The following NT5DC1 variants were observed in gnomAD, a reference collection of about 807,000 sequenced individuals.
NT5DC1 encodes 5'-nucleotidase domain containing 1.
Under a neutral mutation model 59.4 loss-of-function variants are expected in NT5DC1, and 42 were observed. That is an observed-to-expected ratio of 0.71 (90% CI 0.55 to 0.92). The LOEUF (loss-of-function observed/expected upper bound fraction) is 0.92, where lower values mean the gene tolerates loss of function less well. Among genes scored for constraint, NT5DC1 ranks in the 40% least tolerant of loss-of-function variants. NT5DC1 has a pLI of 0.00. For synonymous variants in NT5DC1, 172 were observed against 188.1 expected (o/e 0.91, Z 0.70); for missense variants, 501 against 537.1 (o/e 0.93, Z 0.66).
chr6:116,178,093 G>A (rs1285178680), intron 6 of NT5DC1, among the ~76,000 whole-genome samples: 39 of 65,592 alleles, frequency 5.9e-4, no homozygotes, highest in African/African-American at 2.1e-3. Context: ...GTGTGTGCGC[G>A]CGCGCGCGCG....
chr6:116,217,726 GTATTCA>G (rs1781714122), intron 6 of NT5DC1, among the ~76,000 whole-genome samples: 1 of 151,902 alleles, frequency 6.6e-6, no homozygotes, highest in Non-Finnish European at 1.5e-5. Flanking sequence ...ACTAATTTAG[GTATTCA>G]TATGTTGAAT....
chr6:116,221,263 T>C (rs761542218), intron 7 of NT5DC1, 35 bp downstream of exon 7: 2 of 1,291,602 alleles, frequency 1.5e-6, no homozygotes, highest in Admixed American at 1.9e-5. Context: ...CATTGTCTTA[T>C]GAAATACAGA....
rs545089405 is a variant in NT5DC1, at chr6:116,249,215, C to G, written c.*5191C>G. On this transcript the variant is annotated 3_prime_UTR_variant, in exon 12 of 12. Coordinates refer to ENST00000319550, the MANE Select transcript of NT5DC1 (RefSeq NM_152729.3). Reference sequence around the variant, plus strand: ...GTTCTCTAGCCCTAGAAAAAAATACCTCAGCAAGAAATTGCAAGTAATAAT... The same window carrying G: ...GTTCTCTAGCCCTAGAAAAAAATACGTCAGCAAGAAATTGCAAGTAATAAT... 6.6e-6 allele frequency: 1 copy of G among 152,272 alleles called. No homozygotes were observed. Among genetic ancestry groups the G allele is most frequent in the Non-Finnish European group, 1.5e-5 (1 of 68,022 alleles). 9.4% of individuals were successfully genotyped at this position (152,272 alleles called of 1,614,324 possible).
chr6:116,208,871 A>G (rs760940770), intron 6 of NT5DC1, among the ~76,000 whole-genome samples: 3 of 152,026 alleles, frequency 2.0e-5, no homozygotes, highest in Non-Finnish European at 4.4e-5. Context: ...CATCTGGCTC[A>G]TAGAATATAC....
chr6:116,193,775 AAAAAG>A, intron 6 of NT5DC1, among the ~76,000 whole-genome samples: 1 of 151,938 alleles, frequency 6.6e-6, no homozygotes, highest in Admixed American at 6.6e-5. Flanking sequence ...TTAAAAATAA[AAAAAG>A]AGGAGTTGGG....
chr6:116,177,949 A>G (rs79851262), intron 6 of NT5DC1, among the ~76,000 whole-genome samples: 3,682 of 152,182 alleles, frequency 0.024, 138 homozygotes, highest in African/African-American at 0.083. Flanking sequence ...GATTAGTTTC[A>G]TAGTATAAAA....
intron 6 of NT5DC1, chr6:116,121,222 A>G: frequency 6.2e-7 from 1 of 1,613,248 alleles, no homozygotes; most frequent in Non-Finnish European, 8.5e-7. Flanking sequence ...CTGGTTTCCC[A>G]AAGCCAGGAG....
chr6:116,103,454 C>T (rs1326465092), intron 1 of NT5DC1, among the ~76,000 whole-genome samples: 1 of 152,042 alleles, frequency 6.6e-6, no homozygotes, highest in Non-Finnish European at 1.5e-5. Context: ...TCCCACCTTG[C>T]TGTCTGTATG....
chr6:116,164,965 TG>T (rs1211990621), intron 6 of NT5DC1, among the ~76,000 whole-genome samples: 1 of 151,772 alleles, frequency 6.6e-6, no homozygotes, highest in Non-Finnish European at 1.5e-5. Context: ...GACATGGTGG[TG>T]GGTGCCTGTG....
chr6:116,171,456 G>A (rs1051034258), intron 6 of NT5DC1, among the ~76,000 whole-genome samples: 1 of 152,062 alleles, frequency 6.6e-6, no homozygotes, highest in Admixed American at 6.6e-5. Context: ...TGTTAGTGGT[G>A]GTAAAGATGA....
At chr6:116,174,120 G>T (rs1377825570) in intron 6 of NT5DC1, among the ~76,000 whole-genome samples, 1 of 152,106 alleles carries the variant, frequency 6.6e-6, no homozygotes, top group Non-Finnish European at 1.5e-5. Context: ...CATATGAGGG[G>T]TACATGCTGT....
intron 6 of NT5DC1, among the ~76,000 whole-genome samples, chr6:116,178,888 T>G (rs1285010811): frequency 6.6e-6 from 1 of 152,214 alleles, no homozygotes; most frequent in Non-Finnish European, 1.5e-5. Flanking sequence ...AAGCAAAATT[T>G]CTTTTACTCG....
intron 6 of NT5DC1, among the ~76,000 whole-genome samples, chr6:116,178,104 T>TGCGCGC (rs796825649): frequency 9.9e-6 from 1 of 101,032 alleles, no homozygotes; most frequent in African/African-American, 4.5e-5. Flanking sequence ...CGCGCGCGCG[T>TGCGCGC]GCGTGCGTGT....
chr6:116,148,223 G>C (rs1582834837), intron 6 of NT5DC1, among the ~76,000 whole-genome samples: 1 of 152,140 alleles, frequency 6.6e-6, no homozygotes, highest in Non-Finnish European at 1.5e-5. Context: ...TTGGGGACAG[G>C]GGTGGGAGGG....
chr6:116,200,367 A>C (rs1781323218), intron 6 of NT5DC1, among the ~76,000 whole-genome samples: 1 of 152,066 alleles, frequency 6.6e-6, no homozygotes, highest in African/African-American at 2.4e-5. Context: ...CATTAGGTAA[A>C]AATTAAGGAA....
intron 6 of NT5DC1, among the ~76,000 whole-genome samples, chr6:116,175,564 T>C (rs1010199590): frequency 1.3e-5 from 2 of 152,194 alleles, no homozygotes; most frequent in African/African-American, 4.8e-5. Context: ...GTTGGACCAT[T>C]TGATAATGTC....
At chr6:116,192,447 A>G (rs1781140978) in intron 6 of NT5DC1, among the ~76,000 whole-genome samples, 1 of 152,034 alleles carries the variant, frequency 6.6e-6, no homozygotes, top group African/African-American at 2.4e-5. Context: ...GAAAATTAGT[A>G]CTAGGGTTTA....
chr6:116,209,540 C>T (rs1781529934), intron 6 of NT5DC1, among the ~76,000 whole-genome samples: 1 of 151,900 alleles, frequency 6.6e-6, no homozygotes, highest in Non-Finnish European at 1.5e-5. Flanking sequence ...TGATGAATGC[C>T]ATCATTGATG....
intron 6 of NT5DC1, chr6:116,125,403 G>C: frequency 2.5e-6 from 4 of 1,613,818 alleles, no homozygotes; most frequent in Non-Finnish European, 3.4e-6. Context: ...GGCCTTTTAT[G>C]CCTGTGGGCA....
Sources: allele counts gnomAD v4.1 joint callset (sites outside exome capture counted in the v4.1 genomes callset), GRCh38; gene constraint gnomAD v4.1.1; transcripts MANE v1.5; gene names NCBI Gene and HGNC (gene_info 2026-07-23, HGNC 2026-07-21).